Variants in COPG2 observed in about 807,000 individuals in gnomAD.
COPG2 encodes the protein coatomer subunit gamma-2.
Under a neutral mutation model 46.3 loss-of-function variants are expected in COPG2, and 37 were observed. That is an observed-to-expected ratio of 0.80 (90% CI 0.61 to 1.05). The LOEUF is 1.05. Ranked by LOEUF, COPG2 falls within the 50% of genes least tolerant of loss-of-function variation. The pLI, the probability that COPG2 is intolerant of heterozygous loss-of-function variation, is 0.00. For missense variants in COPG2, 427 were observed against 387.8 expected, an observed-to-expected ratio of 1.10 and a Z score of -0.85; for synonymous variants, 159 against 129.7, an observed-to-expected ratio of 1.23 and a Z score of -1.53.
At chr7:130,543,088 A>G (rs1793370058) in intron 20 of COPG2, among the ~76,000 whole-genome samples, 1 of 152,222 alleles carries the variant, frequency 6.6e-6, no homozygotes, top group African/African-American at 2.4e-5. Context: ...ACCCCAACTG[A>G]TATGGAAGGC....
intron 3 of COPG2, among the ~76,000 whole-genome samples, chr7:130,666,344 T>C (rs782366820): frequency 7.9e-5 from 12 of 152,368 alleles, no homozygotes; most frequent in Admixed American, 1.3e-4. Context: ...CAACATGCTC[T>C]AACTAGTACT....
At chr7:130,582,039 G>A (rs531613144) in intron 9 of COPG2, among the ~76,000 whole-genome samples, 1 of 152,226 alleles carries the variant, frequency 6.6e-6, no homozygotes, top group South Asian at 2.1e-4. Flanking sequence ...ACATCACCAA[G>A]GCAATCCTAA....
intron 19 of COPG2, among the ~76,000 whole-genome samples, chr7:130,548,176 T>C (rs1793475485): frequency 6.6e-6 from 1 of 152,226 alleles, no homozygotes; most frequent in Non-Finnish European, 1.5e-5. Flanking sequence ...TACTTTATGT[T>C]GTCCAACTTC....
chr7:130,568,600 C>T (rs1040961717), intron 9 of COPG2, among the ~76,000 whole-genome samples: 13 of 150,976 alleles, frequency 8.6e-5, no homozygotes, highest in Admixed American at 3.3e-4. Context: ...TAGACGGCAA[C>T]GCAATAATAG....
At chr7:130,566,132 C>G (rs1047027218) in intron 9 of COPG2, among the ~76,000 whole-genome samples, 14 of 152,128 alleles carry the variant, frequency 9.2e-5, no homozygotes, top group Non-Finnish European at 1.6e-4. Flanking sequence ...CAAAAATATT[C>G]AAATATATAC....
At chr7:130,623,674 T>C (rs562529237) in intron 5 of COPG2, among the ~76,000 whole-genome samples, 5 of 152,266 alleles carry the variant, frequency 3.3e-5, no homozygotes, top group Admixed American at 1.3e-4. Flanking sequence ...TTTTATAACA[T>C]TGAGTTGGCC....
intron 5 of COPG2, among the ~76,000 whole-genome samples, chr7:130,634,783 G>C (rs1457830235): frequency 6.6e-6 from 1 of 151,966 alleles, no homozygotes; most frequent in African/African-American, 2.4e-5. Flanking sequence ...TCCTTGTCTT[G>C]TGCCTGTTTT....
At chr7:130,635,902 T>C (rs1462348440) in intron 5 of COPG2, among the ~76,000 whole-genome samples, 1 of 152,226 alleles carries the variant, frequency 6.6e-6, no homozygotes, top group Non-Finnish European at 1.5e-5. Flanking sequence ...TGTTACGTTG[T>C]ATCTTTGATC....
chr7:130,582,554 A>G (rs1330234098), intron 9 of COPG2, among the ~76,000 whole-genome samples: 2 of 151,662 alleles, frequency 1.3e-5, no homozygotes, highest in Non-Finnish European at 3.0e-5. Flanking sequence ...ATCAGAGTGA[A>G]CAGGCAACCT....
intron 9 of COPG2, among the ~76,000 whole-genome samples, chr7:130,590,407 C>T (rs946304235): frequency 5.9e-5 from 9 of 152,238 alleles, no homozygotes; most frequent in South Asian, 4.1e-4. Context: ...AGGTGCGCGC[C>T]GCCACGCCTG....
At chr7:130,618,100 C>CCAAAAAAAA in intron 5 of COPG2, among the ~76,000 whole-genome samples, 1 of 64,604 alleles carries the variant, frequency 1.5e-5, no homozygotes, top group East Asian at 5.0e-4. Flanking sequence ...GACCCTGTCT[C>CCAAAAAAAA]AAAAAAAAAA....
intron 9 of COPG2, among the ~76,000 whole-genome samples, chr7:130,598,672 A>C (rs1469821839): frequency 1.3e-5 from 2 of 152,228 alleles, no homozygotes; most frequent in African/African-American, 4.8e-5. Flanking sequence ...GGGCCAAAGC[A>C]TCAACTGCTC....
intron 20 of COPG2, among the ~76,000 whole-genome samples, chr7:130,535,123 C>G (rs1799866308): frequency 6.6e-6 from 1 of 152,162 alleles, no homozygotes; most frequent in Non-Finnish European, 1.5e-5. Flanking sequence ...GTAGTGAGCA[C>G]ATCCCTATGG....
intron 9 of COPG2, among the ~76,000 whole-genome samples, chr7:130,606,662 T>G (rs1554451306): frequency 1.3e-5 from 2 of 152,220 alleles, no homozygotes; most frequent in African/African-American, 4.8e-5. Flanking sequence ...CAGTAAAATG[T>G]GAAATGACAA....
chr7:130,541,550 C>T (rs1384511132), intron 20 of COPG2, among the ~76,000 whole-genome samples: 1 of 151,934 alleles, frequency 6.6e-6, no homozygotes, highest in African/African-American at 2.4e-5. Context: ...GAGCGAGACA[C>T]GAGTGAGTGA....
chr7:130,538,683 C>T (rs1479807831), intron 20 of COPG2, among the ~76,000 whole-genome samples: 1 of 56,104 alleles, frequency 1.8e-5, no homozygotes, highest in Non-Finnish European at 3.6e-5. Flanking sequence ...GGGCTGGGGG[C>T]CTGGGAGGGG....
intron 20 of COPG2, among the ~76,000 whole-genome samples, chr7:130,529,332 G>A (rs1040132607): frequency 1.3e-5 from 2 of 152,096 alleles, no homozygotes; most frequent in Admixed American, 6.5e-5. Flanking sequence ...ATAACAGTAG[G>A]GGGATGTGCA....
At chr7:130,526,451 G>A (rs1799775107) in intron 20 of COPG2, among the ~76,000 whole-genome samples, 1 of 152,062 alleles carries the variant, frequency 6.6e-6, no homozygotes, top group Non-Finnish European at 1.5e-5. Flanking sequence ...GGACGCAAGG[G>A]GAAAGGCTTC....
At chr7:130,582,728 C>T (rs1224249395) in intron 9 of COPG2, among the ~76,000 whole-genome samples, 620 of 112,542 alleles carry the variant, frequency 5.5e-3, no homozygotes, top group South Asian at 0.012. Context: ...ATTTATGCAG[C>T]CAAAAAACAC....
Sources: allele counts gnomAD v4.1 joint callset (sites outside exome capture counted in the v4.1 genomes callset), GRCh38; gene constraint gnomAD v4.1.1; transcripts MANE v1.5; gene names NCBI Gene and HGNC (gene_info 2026-07-23, HGNC 2026-07-21).